PRKCB: variants seen among roughly 807,000 people sequenced by gnomAD.
The protein encoded by PRKCB is protein kinase C beta type.
Under a neutral mutation model 81.5 loss-of-function variants are expected in PRKCB, and 13 were observed. The observed-to-expected ratio is 0.16, with a 90% CI of 0.10 to 0.25. The LOEUF is 0.25. PRKCB is among the 10% of genes least tolerant of loss of function. PRKCB has a pLI of 1.00. For synonymous variants in PRKCB, 335 were observed against 321.4 expected (o/e 1.04, Z -0.45); for missense variants, 509 against 875.7 (o/e 0.58, Z 5.29).
chr16:24,066,945 C>T (rs1447026619), intron 5 of PRKCB, among the ~76,000 whole-genome samples: 1 of 151,968 alleles, frequency 6.6e-6, no homozygotes, highest in Non-Finnish European at 1.5e-5. Context: ...GAACTCCTGG[C>T]CTCAAGCAAT....
chr16:23,887,494 C>T (rs1340306929), intron 2 of PRKCB, among the ~76,000 whole-genome samples: 3 of 152,214 alleles, frequency 2.0e-5, no homozygotes, highest in African/African-American at 7.2e-5. Flanking sequence ...TAATGGCCTT[C>T]AGCTGCATCC....
At chr16:24,109,145 G>A (rs1966630875) in intron 7 of PRKCB, among the ~76,000 whole-genome samples, 1 of 141,324 alleles carries the variant, frequency 7.1e-6, no homozygotes, top group African/African-American at 2.6e-5. Context: ...GGGGCGGCTG[G>A]CCGGGCGGGG....
intron 3 of PRKCB, among the ~76,000 whole-genome samples, chr16:24,012,654 A>G (rs902752847): frequency 6.6e-5 from 10 of 152,272 alleles, no homozygotes; most frequent in African/African-American, 2.2e-4. Flanking sequence ...CAGGGTGGAC[A>G]TACGTCCTCC....
At chr16:23,912,743 C>T (rs1263912503) in intron 2 of PRKCB, among the ~76,000 whole-genome samples, 1 of 151,492 alleles carries the variant, frequency 6.6e-6, no homozygotes. Flanking sequence ...GAACTCCTGA[C>T]CTCAGGTGAT....
At chr16:24,139,042 G>C (rs1379887172) in intron 9 of PRKCB, among the ~76,000 whole-genome samples, 1 of 151,926 alleles carries the variant, frequency 6.6e-6, no homozygotes, top group African/African-American at 2.4e-5. Flanking sequence ...AGTAGAGACA[G>C]GGTTTCACCA....
intron 5 of PRKCB, among the ~76,000 whole-genome samples, chr16:24,064,363 A>G (rs1332567767): frequency 2.0e-5 from 3 of 152,090 alleles, no homozygotes; most frequent in African/African-American, 7.2e-5. Flanking sequence ...ATATTTTTGA[A>G]TTTTCATGAT....
chr16:23,984,178 T>G (rs1964772626), intron 2 of PRKCB, among the ~76,000 whole-genome samples: 1 of 152,170 alleles, frequency 6.6e-6, no homozygotes. Context: ...TTCAAGAAGC[T>G]TTAAAAAGAA....
intron 8 of PRKCB, among the ~76,000 whole-genome samples, chr16:24,120,837 G>A (rs1966791409): frequency 6.6e-6 from 1 of 152,044 alleles, no homozygotes; most frequent in Non-Finnish European, 1.5e-5. Flanking sequence ...GGGCTCAGGG[G>A]ATCCTCCCAC....
chr16:23,980,071 C>T (rs1964674745), intron 2 of PRKCB, among the ~76,000 whole-genome samples: 1 of 152,182 alleles, frequency 6.6e-6, no homozygotes, highest in Non-Finnish European at 1.5e-5. Flanking sequence ...GGTGACAGAG[C>T]AAGACTTTGT....
chr16:24,135,328 T>TTTC (rs1966861288), intron 9 of PRKCB, among the ~76,000 whole-genome samples: 1 of 149,554 alleles, frequency 6.7e-6, no homozygotes, highest in Non-Finnish European at 1.5e-5. Flanking sequence ...TTTTTTTTTT[T>TTTC]TTCCTTTTTG....
intron 9 of PRKCB, among the ~76,000 whole-genome samples, chr16:24,152,260 C>G (rs1967091507): frequency 1.3e-5 from 2 of 152,080 alleles, no homozygotes; most frequent in African/African-American, 4.8e-5. Flanking sequence ...AAGGGGAAAC[C>G]CCTTATAAAA....
intron 2 of PRKCB, among the ~76,000 whole-genome samples, chr16:23,958,729 T>C (rs1031463854): frequency 1.3e-5 from 2 of 151,846 alleles, no homozygotes; most frequent in African/African-American, 4.8e-5. Context: ...CTCTTATTCC[T>C]CCTCCTCCCC....
At chr16:23,926,560 T>C (rs2141751698) in intron 2 of PRKCB, among the ~76,000 whole-genome samples, 1 of 151,626 alleles carries the variant, frequency 6.6e-6, no homozygotes, top group Admixed American at 6.6e-5. Flanking sequence ...TAGTATTCTA[T>C]TGTGTGTATG....
At chr16:24,203,304 G>A (rs983477169) in intron 16 of PRKCB, 5 of 152,026 alleles carry the variant, frequency 3.3e-5, no homozygotes, top group African/African-American at 9.7e-5. Flanking sequence ...TTGGCTCATG[G>A]TTCTGGAGGG....
At chr16:23,839,910 G>A (rs1443256774) in intron 2 of PRKCB, among the ~76,000 whole-genome samples, 10 of 152,178 alleles carry the variant, frequency 6.6e-5, no homozygotes, top group Non-Finnish European at 1.5e-5. Flanking sequence ...CAGCTGGCAC[G>A]AGAGAAGACT....
At chr16:23,861,237 C>T (rs1193673204) in intron 2 of PRKCB, among the ~76,000 whole-genome samples, 1 of 151,834 alleles carries the variant, frequency 6.6e-6, no homozygotes, top group East Asian at 1.9e-4. Context: ...GGCACAAACA[C>T]AGCTCACTGC....
chr16:23,939,608 A>T (rs537462346), intron 2 of PRKCB, among the ~76,000 whole-genome samples: 8 of 152,326 alleles, frequency 5.3e-5, no homozygotes, highest in African/African-American at 1.4e-4. Flanking sequence ...CAATGGAGAA[A>T]TGAATTTTCA....
chr16:24,158,816 G>A (rs900516489), intron 10 of PRKCB, among the ~76,000 whole-genome samples: 3 of 151,802 alleles, frequency 2.0e-5, no homozygotes, highest in African/African-American at 7.3e-5. Flanking sequence ...GCATCACCAC[G>A]CCCAGTTAAT....
intron 7 of PRKCB, among the ~76,000 whole-genome samples, chr16:24,110,124 G>A (rs1966654540): frequency 8.0e-6 from 1 of 125,494 alleles, no homozygotes; most frequent in South Asian, 2.5e-4. Context: ...AGAGGGAGAG[G>A]GAGAGGGAGA....
Sources: allele counts gnomAD v4.1 joint callset (sites outside exome capture counted in the v4.1 genomes callset), GRCh38; gene constraint gnomAD v4.1.1; transcripts MANE v1.5; gene names NCBI Gene and HGNC (gene_info 2026-07-23, HGNC 2026-07-21).